PTPRD: variants seen among roughly 807,000 people sequenced by gnomAD.
PTPRD encodes the protein protein tyrosine phosphatase receptor type D.
Under a neutral mutation model 214.5 loss-of-function variants are expected in PTPRD, and 34 were observed. That is an observed-to-expected ratio of 0.16 (90% CI 0.12 to 0.21). The LOEUF is 0.21. Among genes scored for constraint, PTPRD ranks in the 10% least tolerant of loss-of-function variants. The pLI, the probability that PTPRD is intolerant of heterozygous loss-of-function variation, is 1.00. For missense variants in PTPRD, 2,545 were observed against 2,398.7 expected, an observed-to-expected ratio of 1.06 and a Z score of -1.27; for synonymous variants, 1,128 against 845.7, an observed-to-expected ratio of 1.33 and a Z score of -5.79.
chr9:9,944,064 G>C (rs1484988406), intron 4 of PTPRD, among the ~76,000 whole-genome samples: 3 of 152,082 alleles, frequency 2.0e-5, no homozygotes, highest in African/African-American at 7.2e-5. Context: ...TGAGCCCAAC[G>C]ACTGGTAAAT....
intron 9 of PTPRD, among the ~76,000 whole-genome samples, chr9:9,196,114 T>C (rs563946085): frequency 1.6e-4 from 25 of 152,262 alleles, no homozygotes; most frequent in Non-Finnish European, 2.8e-4. Context: ...TGACCTTCAA[T>C]GTTCTCATAT....
At chr9:9,755,446 C>T (rs1423417122) in intron 6 of PTPRD, among the ~76,000 whole-genome samples, 1 of 152,012 alleles carries the variant, frequency 6.6e-6, no homozygotes, top group African/African-American at 2.4e-5. Context: ...AAGAATAAGG[C>T]AGAGCTCCTC....
At chr9:10,215,558 GA>G (rs1338386542) in intron 3 of PTPRD, among the ~76,000 whole-genome samples, 1 of 152,006 alleles carries the variant, frequency 6.6e-6, no homozygotes, top group Non-Finnish European at 1.5e-5. Context: ...CAGTGAGAAT[GA>G]AAACTGTCAA....
intron 3 of PTPRD, among the ~76,000 whole-genome samples, chr9:10,314,323 G>C (rs142598876): frequency 6.6e-6 from 1 of 151,966 alleles, no homozygotes; most frequent in East Asian, 1.9e-4. Context: ...AAATATTTTA[G>C]AAACAGAATC....
At chr9:8,853,895 C>CA (rs1238781710) in intron 11 of PTPRD, among the ~76,000 whole-genome samples, 2 of 151,762 alleles carry the variant, frequency 1.3e-5, no homozygotes, top group East Asian at 1.9e-4. Context: ...GAAATAACAA[C>CA]AAAAAAAGGT....
At chr9:9,849,512 T>C (rs2060153324) in intron 5 of PTPRD, among the ~76,000 whole-genome samples, 1 of 152,252 alleles carries the variant, frequency 6.6e-6, no homozygotes, top group East Asian at 1.9e-4. Context: ...ATGGTGATGC[T>C]ATTGTCCATT....
At chr9:9,153,373 G>T (rs1447773993) in intron 10 of PTPRD, among the ~76,000 whole-genome samples, 1 of 152,284 alleles carries the variant, frequency 6.6e-6, no homozygotes, top group Non-Finnish European at 1.5e-5. Context: ...AGGTCTGTGT[G>T]TGCCTGAGTA....
At chr9:10,125,621 ATT>A (rs1491322596) in intron 3 of PTPRD, among the ~76,000 whole-genome samples, 1 of 82,094 alleles carries the variant, frequency 1.2e-5, no homozygotes, top group Non-Finnish European at 2.8e-5. Context: ...CGCTCGGCTA[ATT>A]GTGTGTGTGT....
At chr9:9,872,309 A>G (rs916322582) in intron 5 of PTPRD, among the ~76,000 whole-genome samples, 7 of 152,114 alleles carry the variant, frequency 4.6e-5, no homozygotes, top group African/African-American at 9.7e-5. Flanking sequence ...CAGTCCCTCA[A>G]TTTCCTCCAC....
rs745684373 is a variant in PTPRD at position 8,437,247 on chromosome 9, G to A, written c.3989-558C>T. On this transcript the variant is annotated intron_variant, in intron 34 of 45. Coordinates refer to ENST00000381196, the MANE Select transcript of PTPRD (RefSeq NM_002839.4). ...AACCGGAATCATCTGAACCTGCAAA[G>A]GAAATGATGGTGTAAATAAAATAAA... 1.3e-5 allele frequency: 19 copies of A among 1,512,170 alleles called. 1 individual carries two copies. Among genetic ancestry groups the A allele is most frequent in the Middle Eastern group, 3.5e-4 (2 of 5,722 alleles). 93.7% of individuals were successfully genotyped at this position (1,512,170 alleles called of 1,614,324 possible).
At chr9:8,897,539 T>A (rs112577543) in intron 11 of PTPRD, among the ~76,000 whole-genome samples, 45 of 152,094 alleles carry the variant, frequency 3.0e-4, no homozygotes, top group African/African-American at 1.1e-3. Context: ...AGTTTTGATA[T>A]CCCCAGAGAG....
At chr9:8,404,456 T>A in intron 36 of PTPRD, 81 bp downstream of exon 36, 5 of 1,512,174 alleles carry the variant, frequency 3.3e-6, no homozygotes, top group Non-Finnish European at 3.6e-6. Context: ...AGATGGTTAA[T>A]AACCTCACTA....
intron 5 of PTPRD, among the ~76,000 whole-genome samples, chr9:9,886,950 T>A (rs1324692383): frequency 6.6e-6 from 1 of 152,074 alleles, no homozygotes; most frequent in Non-Finnish European, 1.5e-5. Flanking sequence ...TTGTCTGACT[T>A]GCATCCACAC....
chr9:9,168,087 T>A (rs2099907707), intron 10 of PTPRD, among the ~76,000 whole-genome samples: 1 of 152,222 alleles, frequency 6.6e-6, no homozygotes, highest in African/African-American at 2.4e-5. Flanking sequence ...GTCCACTGCC[T>A]CTTTTCTAAA....
At chr9:10,134,708 A>T (rs10116642) in intron 3 of PTPRD, among the ~76,000 whole-genome samples, 37,041 of 151,798 alleles carry the variant, frequency 0.24, 4,771 homozygotes, top group South Asian at 0.37. Context: ...AAATTATATT[A>T]AAAAAAAGCC....
intron 8 of PTPRD, among the ~76,000 whole-genome samples, chr9:9,562,534 AC>A (rs1160007617): frequency 6.6e-6 from 1 of 151,812 alleles, no homozygotes; most frequent in African/African-American, 2.4e-5. Flanking sequence ...CTTCAACCCC[AC>A]CTCTGTTACT....
chr9:9,593,715 A>C (rs899105434), intron 7 of PTPRD, among the ~76,000 whole-genome samples: 7 of 152,016 alleles, frequency 4.6e-5, no homozygotes, highest in African/African-American at 1.4e-4. Context: ...AAGGTCACTG[A>C]GGAACACAAT....
At chr9:10,461,716 G>T (rs1430995365) in intron 2 of PTPRD, among the ~76,000 whole-genome samples, 1 of 151,588 alleles carries the variant, frequency 6.6e-6, no homozygotes, top group Non-Finnish European at 1.5e-5. Context: ...TCTGCGTCCT[G>T]GGTTCAAGCA....
chr9:9,155,807 A>G (rs1185156767), intron 10 of PTPRD, among the ~76,000 whole-genome samples: 1 of 152,140 alleles, frequency 6.6e-6, no homozygotes, highest in Non-Finnish European at 1.5e-5. Context: ...AAAACCACTA[A>G]TTTATCTTAG....
Sources: allele counts gnomAD v4.1 joint callset (sites outside exome capture counted in the v4.1 genomes callset), GRCh38; gene constraint gnomAD v4.1.1; transcripts MANE v1.5; gene names NCBI Gene and HGNC (gene_info 2026-07-23, HGNC 2026-07-21).